The following SLC23A2 variants were observed in gnomAD, a reference collection of about 807,000 sequenced individuals.
The protein encoded by SLC23A2 is solute carrier family 23 member 2, also known as Na(+)/L-ascorbic acid transporter 2.
A neutral mutation model predicts 73.3 loss-of-function variants in SLC23A2; 36 were observed. That is an observed-to-expected ratio of 0.49 (90% CI 0.38 to 0.65). SLC23A2 has a LOEUF of 0.65. Ranked by LOEUF, SLC23A2 falls within the 30% of genes least tolerant of loss-of-function variation. SLC23A2 has a pLI of 0.00. For synonymous variants in SLC23A2, 343 were observed against 327.3 expected, an observed-to-expected ratio of 1.05 and a Z score of -0.52; for missense variants, 507 against 841.6, an observed-to-expected ratio of 0.60 and a Z score of 4.92.
rs1015365689 is a variant in SLC23A2 at position 4,899,985 on chromosome 20, T to G, written c.325-273A>C. On this transcript the variant is annotated intron_variant, in intron 5 of 16. Coordinates refer to ENST00000338244, the MANE Select transcript of SLC23A2 (RefSeq NM_005116.6). The surrounding 1 kb of genome is among the most constrained non-coding windows in gnomAD (Gnocchi z 4.9). The stretch of plus-strand genomic sequence containing the variant: ...TCCCAGGCTCAAGCAATTCTCCTGC[T>G]TCAACCTCCCAAATAGCTGGGATTA... Among the ~76,000 whole-genome samples the G allele has an allele frequency of 6.6e-6, 1 of 152,130 alleles. No individual in the cohort carries two copies. Among genetic ancestry groups the G allele is most frequent in the Non-Finnish European group, 1.5e-5 (1 of 68,022 alleles).
At chr20:4,919,724 G>C (rs1408054960) in intron 3 of SLC23A2, among the ~76,000 whole-genome samples, 1 of 152,124 alleles carries the variant, frequency 6.6e-6, no homozygotes, top group African/African-American at 2.4e-5. Context: ...TTCAAGAACA[G>C]ATCCTGAGGC....
chr20:4,993,475 G>A (rs2087965783), intron 1 of SLC23A2, among the ~76,000 whole-genome samples: 1 of 147,898 alleles, frequency 6.8e-6, no homozygotes, highest in African/African-American at 2.5e-5. Context: ...GCACTTCGGA[G>A]AAGGTATATT....
At chr20:4,885,074 G>A (rs781457767) in intron 7 of SLC23A2, among the ~76,000 whole-genome samples, 4 of 152,150 alleles carry the variant, frequency 2.6e-5, no homozygotes, top group South Asian at 2.1e-4. Flanking sequence ...GGTGATACAC[G>A]TTACTAGCAC....
chr20:4,920,985 A>G (rs1282860830), intron 3 of SLC23A2, among the ~76,000 whole-genome samples: 3 of 152,244 alleles, frequency 2.0e-5, no homozygotes, highest in Non-Finnish European at 4.4e-5. Flanking sequence ...ATGAAAGAAT[A>G]TAAATGGCCA....
chr20:4,963,916 T>C (rs1443120185), intron 2 of SLC23A2, among the ~76,000 whole-genome samples: 1 of 152,152 alleles, frequency 6.6e-6, no homozygotes, highest in Admixed American at 6.5e-5. Flanking sequence ...CACAACAAAT[T>C]GTAATTGTAA....
At chr20:4,935,464 G>C (rs536385428) in intron 2 of SLC23A2, among the ~76,000 whole-genome samples, 22 of 152,108 alleles carry the variant, frequency 1.4e-4, no homozygotes, top group African/African-American at 5.3e-4. Flanking sequence ...CTACCGCAGG[G>C]ATCACTACAA....
chr20:5,006,200 C>T (rs543058912), upstream of SLC23A2, among the ~76,000 whole-genome samples: 8 of 151,628 alleles, frequency 5.3e-5, no homozygotes, highest in East Asian at 1.2e-3. Context: ...TGAGTTCAAG[C>T]GGTTCTCCTG....
chr20:5,004,252 G>C (rs1008407820), upstream of SLC23A2, among the ~76,000 whole-genome samples: 5 of 152,104 alleles, frequency 3.3e-5, no homozygotes, highest in African/African-American at 1.2e-4. Flanking sequence ...TTTCTTATCT[G>C]AGTTCTCTCA....
intron 3 of SLC23A2, among the ~76,000 whole-genome samples, chr20:4,924,323 T>C (rs942719724): frequency 2.0e-5 from 3 of 152,192 alleles, no homozygotes; most frequent in African/African-American, 7.2e-5. Context: ...TCTCCTGACA[T>C]ACTTTTCAAC....
At chr20:4,942,789 G>A (rs1381968301) in intron 2 of SLC23A2, among the ~76,000 whole-genome samples, 1 of 152,140 alleles carries the variant, frequency 6.6e-6, no homozygotes, top group Non-Finnish European at 1.5e-5. Context: ...TGTGTTTCTC[G>A]AAAGAACCAC....
intron 1 of SLC23A2, among the ~76,000 whole-genome samples, chr20:4,981,725 G>A (rs987411526): frequency 7.7e-6 from 1 of 130,420 alleles, no homozygotes; most frequent in African/African-American, 2.8e-5. Flanking sequence ...TCTTTCAGAT[G>A]GAATCTCACT....
chr20:4,950,023 C>T (rs1220275916), intron 2 of SLC23A2, among the ~76,000 whole-genome samples: 4 of 152,182 alleles, frequency 2.6e-5, no homozygotes, highest in Admixed American at 2.0e-4. Flanking sequence ...AATTGTATAA[C>T]CGCACCACCT....
At chr20:4,926,906 C>T (rs889627877) in intron 3 of SLC23A2, among the ~76,000 whole-genome samples, 20 of 152,160 alleles carry the variant, frequency 1.3e-4, no homozygotes, top group Admixed American at 1.3e-3. Context: ...CACCCCACCT[C>T]CCTTTCCAGG....
rs1050608239 is a variant in SLC23A2, at chr20:4,899,460, T to G, written c.482+95A>C. 4 of 1,458,906 alleles carry G rather than the reference T, an allele frequency of 2.7e-6. No individual in the cohort carries two copies. The highest frequency in any genetic ancestry group is 3.8e-6 in the Non-Finnish European group (4 of 1,050,328). 90.4% of individuals were successfully genotyped at this position (1,458,906 alleles called of 1,614,324 possible). On this transcript the variant is annotated intron_variant, in intron 6 of 16. Transcript: ENST00000338244. This position sits in a 1 kb window ranked among gnomAD's most constrained non-coding sequence, Gnocchi z 4.9. Reference sequence around the variant, plus strand: ...CATTCCCGTGCCTCCATTCTGTCCTTGCCAACAGCCCTAGGCAAACGGCGC... The same window carrying G: ...CATTCCCGTGCCTCCATTCTGTCCTGGCCAACAGCCCTAGGCAAACGGCGC...
rs1318713537 is a variant in SLC23A2 at position 4,857,961 on chromosome 20, AACAAAACAC to A, written c.1721-766_1721-758del. Among the ~76,000 whole-genome samples, 1 of 152,006 alleles carries A rather than the reference AACAAAACAC, an allele frequency of 6.6e-6. No individual in the cohort carries two copies. Among genetic ancestry groups the A allele is most frequent in the East Asian group, 1.9e-4 (1 of 5,180 alleles). Reference sequence around the variant, plus strand: ...CAAAACAAAACAAAACAAAACAAACAACAAAACACACAAAACAAACTCTGTAAAATGTAA... The same window carrying A: ...CAAAACAAAACAAAACAAAACAAACAACAAAACAAACTCTGTAAAATGTAA... On this transcript the variant is annotated intron_variant, in intron 16 of 16. Transcript: ENST00000338244. This position sits in a 1 kb window ranked among gnomAD's most constrained non-coding sequence, Gnocchi z 4.0.
At chr20:4,944,478 C>A (rs2087087635) in intron 2 of SLC23A2, among the ~76,000 whole-genome samples, 1 of 152,190 alleles carries the variant, frequency 6.6e-6, no homozygotes, top group South Asian at 2.1e-4. Context: ...ACCTCGTGAT[C>A]CACCTGCCTT....
intron 1 of SLC23A2, among the ~76,000 whole-genome samples, chr20:4,981,523 C>T (rs2087725224): frequency 6.6e-6 from 1 of 152,102 alleles, no homozygotes; most frequent in Middle Eastern, 3.2e-3. Flanking sequence ...GGCCAGCATC[C>T]GTAGTTTTTT....
chr20:4,864,468 C>T (rs545285598), intron 13 of SLC23A2, among the ~76,000 whole-genome samples: 12 of 151,990 alleles, frequency 7.9e-5, no homozygotes, highest in South Asian at 6.3e-4. Flanking sequence ...ACACCACAGA[C>T]GGCAGGGAAG....
Position 4,947,097 on chromosome 20 carries a change from C to A in SLC23A2, c.-154-14381G>T, listed in dbSNP as rs2087129764. 1.3e-5 allele frequency among the ~76,000 whole-genome samples: 2 copies of A among 152,146 alleles called. No homozygotes were observed. Among genetic ancestry groups the A allele is most frequent in the Non-Finnish European group, 2.9e-5 (2 of 68,024 alleles). On this transcript the variant is annotated intron_variant, in intron 2 of 16. Coordinates refer to ENST00000338244, the MANE Select transcript of SLC23A2 (RefSeq NM_005116.6). The surrounding 1 kb of genome is among the most constrained non-coding windows in gnomAD (Gnocchi z 4.4). ...GTTCCCAGGTCTGGGCTCAAGAGAC[C>A]TCCTCCTCCAGGGAGCACTCCTGGG...
Sources: gnomAD v4.1 joint callset for allele counts (sites outside exome capture counted in the v4.1 genomes callset) on GRCh38, gnomAD v4.1.1 for gene constraint, Gnocchi (gnomAD v3.1) non-coding constraint, MANE v1.5 for transcripts, NCBI Gene and HGNC (gene_info 2026-07-23, HGNC 2026-07-21) for gene names.